Variants in EVA1C observed in about 807,000 individuals in gnomAD.
The protein encoded by EVA1C is eva-1 homolog C, also known as protein eva-1 homolog C.
EVA1C carries 25 observed loss-of-function variants against 45.4 expected under a neutral mutation model. The ratio of observed to expected loss-of-function variants is 0.55; its 90% CI spans 0.40 to 0.77. EVA1C has a LOEUF of 0.77. Among genes scored for constraint, EVA1C ranks in the 30% least tolerant of loss-of-function variants. EVA1C has a pLI of 0.00. For synonymous variants in EVA1C, 190 were observed against 221.2 expected (o/e 0.86, Z 1.25); for missense variants, 479 against 554.8 (o/e 0.86, Z 1.37).
chr21:32,412,589 C>T, upstream of EVA1C: 1 of 371,218 alleles, frequency 2.7e-6, no homozygotes. Flanking sequence ...TCCGGCACGG[C>T]GGCAACGGAG....
intron 1 of EVA1C, among the ~76,000 whole-genome samples, chr21:32,414,003 G>A (rs965832553): frequency 6.6e-6 from 1 of 152,218 alleles, no homozygotes; most frequent in Admixed American, 6.5e-5. Flanking sequence ...GGTAAAGGGA[G>A]TCCTCCTCAG....
chr21:32,480,918 G>A (rs1047199622), intron 4 of EVA1C, among the ~76,000 whole-genome samples: 11 of 151,678 alleles, frequency 7.3e-5, no homozygotes, highest in Admixed American at 4.6e-4. Flanking sequence ...TGCTGAGATC[G>A]TGCCACTGCA....
At chr21:32,487,424 G>A (rs1020814911) in intron 4 of EVA1C, among the ~76,000 whole-genome samples, 10 of 152,136 alleles carry the variant, frequency 6.6e-5, no homozygotes, top group African/African-American at 2.4e-4. Context: ...CCATGGAGAT[G>A]CTCAGTGGGT....
intron 7 of EVA1C, among the ~76,000 whole-genome samples, chr21:32,509,738 C>G (rs1479516416): frequency 6.6e-6 from 1 of 151,224 alleles, no homozygotes; most frequent in Non-Finnish European, 1.5e-5. Flanking sequence ...TCAAGATACT[C>G]TGAGACTAAA....
chr21:32,425,516 A>G (rs1047189175), intron 1 of EVA1C, among the ~76,000 whole-genome samples: 1 of 152,014 alleles, frequency 6.6e-6, no homozygotes, highest in African/African-American at 2.4e-5. Context: ...TAGAGCTCTC[A>G]AAAACCATAA....
chr21:32,467,898 T>C, intron 4 of EVA1C, 50 bp downstream of exon 4: 2 of 1,218,978 alleles, frequency 1.6e-6, no homozygotes, highest in South Asian at 1.8e-5. Context: ...AGGGACAGAA[T>C]TAATAGAATA....
In EVA1C at chr21:32,496,792, G is replaced by A. The variant is rs908915528; in HGVS notation, c.778+1622G>A. On this transcript the variant is annotated intron_variant, in intron 5 of 7. Coordinates refer to ENST00000300255, the MANE Select transcript of EVA1C (RefSeq NM_058187.5). ...GCTGAGACACTGCTGGGCTGGGGCC[G>A]CCATAGCCCTGGGAACGGAGTATAT... The A allele has an allele frequency of 6.3e-5, 47 of 744,240 alleles. 1 individual carries two copies. Among genetic ancestry groups the A allele is most frequent in the South Asian group, 4.3e-4 (30 of 69,398 alleles). 46.1% of individuals were successfully genotyped at this position (744,240 alleles called of 1,614,324 possible). A position where few individuals can be genotyped will look rare whatever the true frequency, so the allele number is the denominator to read the frequency against.
At chr21:32,466,496 A>C (rs927877948) in intron 3 of EVA1C, among the ~76,000 whole-genome samples, 3 of 147,796 alleles carry the variant, frequency 2.0e-5, no homozygotes, top group Non-Finnish European at 3.0e-5. Context: ...TTCTTTAAAA[A>C]AAAAAATAAA....
intron 2 of EVA1C, among the ~76,000 whole-genome samples, chr21:32,455,844 T>G (rs144540145): frequency 6.6e-6 from 1 of 152,292 alleles, no homozygotes; most frequent in African/African-American, 2.4e-5. Flanking sequence ...AACATCCCCA[T>G]GCGCTACTCT....
chr21:32,488,787 T>C (rs2037060339), intron 4 of EVA1C, among the ~76,000 whole-genome samples: 1 of 152,190 alleles, frequency 6.6e-6, no homozygotes, highest in Non-Finnish European at 1.5e-5. Flanking sequence ...GGTTTCACCA[T>C]GTTGGCCAGG....
intron 1 of EVA1C, among the ~76,000 whole-genome samples, chr21:32,447,851 G>A (rs557175637): frequency 1.2e-4 from 19 of 152,020 alleles, no homozygotes; most frequent in East Asian, 3.9e-4. Context: ...GATTACAAGC[G>A]CCTGCCACCA....
upstream of EVA1C, chr21:32,412,068 G>A (rs1434300749): frequency 6.6e-6 from 1 of 152,268 alleles, no homozygotes; most frequent in African/African-American, 2.4e-5. Flanking sequence ...CCGAGCTGGA[G>A]CTAAAGATCC....
chr21:32,497,518 A>G (rs2037391740), intron 5 of EVA1C, among the ~76,000 whole-genome samples: 1 of 152,232 alleles, frequency 6.6e-6, no homozygotes, highest in African/African-American at 2.4e-5. Flanking sequence ...GAAAATCATT[A>G]CAGAATCATG....
At chr21:32,494,612 ATC>A (rs1418409595) in intron 4 of EVA1C, among the ~76,000 whole-genome samples, 2 of 152,094 alleles carry the variant, frequency 1.3e-5, no homozygotes, top group African/African-American at 4.8e-5. Context: ...GTGAAACCCC[ATC>A]TCTACTAAAA....
chr21:32,495,908 C>G (rs1376185199), intron 5 of EVA1C, among the ~76,000 whole-genome samples: 1 of 152,174 alleles, frequency 6.6e-6, no homozygotes, highest in Non-Finnish European at 1.5e-5. Flanking sequence ...AATTGAAGAA[C>G]CTGATACCTA....
intron 1 of EVA1C, among the ~76,000 whole-genome samples, chr21:32,428,145 A>G (rs1275118429): frequency 6.6e-6 from 1 of 152,148 alleles, no homozygotes; most frequent in Non-Finnish European, 1.5e-5. Flanking sequence ...TTTTCCCATA[A>G]TGTTGCCAAG....
intron 1 of EVA1C, among the ~76,000 whole-genome samples, chr21:32,421,163 T>G (rs1448214379): frequency 1.3e-5 from 2 of 149,938 alleles, no homozygotes; most frequent in Non-Finnish European, 3.0e-5. Flanking sequence ...TATAAATGAG[T>G]GGTGAGGAAA....
intron 3 of EVA1C, 94 bp downstream of exon 3, chr21:32,457,814 C>A: frequency 1.4e-6 from 2 of 1,468,026 alleles, no homozygotes; most frequent in Non-Finnish European, 9.4e-7. Flanking sequence ...GGCATTTGTC[C>A]AACTTTGAAA....
At chr21:32,498,709 C>T (rs1373400131) in intron 5 of EVA1C, among the ~76,000 whole-genome samples, 1 of 151,030 alleles carries the variant, frequency 6.6e-6, no homozygotes, top group African/African-American at 2.5e-5. Flanking sequence ...GGGGCCGAGA[C>T]GCTGAGGTTG....
Sources: allele counts gnomAD v4.1 joint callset (sites outside exome capture counted in the v4.1 genomes callset), GRCh38; gene constraint gnomAD v4.1.1; transcripts MANE v1.5; gene names NCBI Gene and HGNC (gene_info 2026-07-23, HGNC 2026-07-21).